TENM2: variants seen among roughly 807,000 people sequenced by gnomAD.
TENM2 encodes the protein teneurin-2.
Under a neutral mutation model 245.2 loss-of-function variants are expected in TENM2, and 52 were observed. The ratio of observed to expected loss-of-function variants is 0.21; its 90% confidence interval spans 0.17 to 0.27. The LOEUF is 0.27. Ranked by LOEUF, TENM2 falls within the 10% of genes least tolerant of loss-of-function variation. TENM2 has a pLI of 1.00. For missense variants in TENM2, 3,046 were observed against 3,666.8 expected, an observed-to-expected ratio of 0.83 and a Z score of 4.37; for synonymous variants, 1,363 against 1,438.9, an observed-to-expected ratio of 0.95 and a Z score of 1.19.
rs75245465 is a variant in TENM2, at chr5:167,757,967, G to A, written c.503-118019G>A. On this transcript the variant is annotated intron_variant, in intron 2 of 28. Coordinates refer to ENST00000518659, the Ensembl canonical transcript of TENM2. ...TTCAAGTATGCCTTGGTTACCCTGT[G>A]GCATGGACAAATGCCCTTCCACCTC... Among the ~76,000 whole-genome samples the A allele has an allele frequency of 7.6e-4, 115 of 152,252 alleles. 3 individuals carry two copies. The East Asian group carries it at 0.021, about 28-fold the overall frequency.
At chr5:167,058,773 AAAG>A in the TENM2 span, among the ~76,000 whole-genome samples, 1 of 152,204 alleles carries the variant, frequency 6.6e-6, no homozygotes, top group African/African-American at 2.4e-5. Context: ...CGGGGAAAAA[AAAG>A]AAGAAAGAAA....
chr5:167,607,042 C>A (rs1307188988), intron 2 of TENM2, among the ~76,000 whole-genome samples: 1 of 152,052 alleles, frequency 6.6e-6, no homozygotes, highest in African/African-American at 2.4e-5. Flanking sequence ...GAGGGCATAG[C>A]TTAAGGGTCA....
chr5:167,142,901 A>G, the TENM2 span, among the ~76,000 whole-genome samples: 1 of 152,138 alleles, frequency 6.6e-6, no homozygotes, highest in African/African-American at 2.4e-5. Context: ...TGCTAGTCCT[A>G]TAGAAGAGTG....
the TENM2 span, among the ~76,000 whole-genome samples, chr5:167,047,603 C>T: frequency 2.0e-5 from 3 of 152,148 alleles, no homozygotes; most frequent in African/African-American, 7.2e-5. Flanking sequence ...CTATTTGAGT[C>T]AGCTTCTTGG....
At chr5:168,204,749 G>T in intron 19 of TENM2, 128 bp downstream of exon 21, 4 of 1,231,624 alleles carry the variant, frequency 3.2e-6, no homozygotes, top group Non-Finnish European at 4.5e-6. Context: ...CAAAACCTAG[G>T]CCCAGAATCA....
chr5:167,077,587 A>G, the TENM2 span, among the ~76,000 whole-genome samples: 6 of 152,338 alleles, frequency 3.9e-5, no homozygotes, highest in African/African-American at 1.4e-4. Context: ...CGGATAAGCC[A>G]TGATTTAGTA....
chr5:167,188,234 A>G, the TENM2 span, among the ~76,000 whole-genome samples: 2 of 152,204 alleles, frequency 1.3e-5, no homozygotes, highest in Non-Finnish European at 2.9e-5. Context: ...CCCTGTGATT[A>G]AATGGGTATG....
At chr5:167,921,049 C>T (rs1224140527) in intron 3 of TENM2, among the ~76,000 whole-genome samples, 2 of 152,200 alleles carry the variant, frequency 1.3e-5, no homozygotes, top group Non-Finnish European at 2.9e-5. Context: ...AAATCTCAAG[C>T]ACCCAAAGAT....
At chr5:168,098,089 A>G (rs1793513058) in exon 9 of TENM2, 1 of 1,613,590 alleles carries the variant, frequency 6.2e-7, no homozygotes, top group Non-Finnish European at 8.5e-7. Context: ...GGGGTGTGTC[A>G]CTGTTTCCCA....
At chr5:167,202,206 G>A in the TENM2 span, among the ~76,000 whole-genome samples, 2 of 152,170 alleles carry the variant, frequency 1.3e-5, no homozygotes, top group Admixed American at 1.3e-4. Context: ...AGCACTTGGA[G>A]TCTTCTTAGA....
chr5:167,029,693 T>A, the TENM2 span, among the ~76,000 whole-genome samples: 2 of 152,200 alleles, frequency 1.3e-5, no homozygotes, highest in Non-Finnish European at 1.5e-5. Context: ...TAATAATTGC[T>A]GACGTTTGTC....
chr5:167,548,972 G>A (rs574774103), intron 2 of TENM2, among the ~76,000 whole-genome samples: 2 of 152,276 alleles, frequency 1.3e-5, no homozygotes, highest in South Asian at 4.1e-4. Context: ...TGAACTACAA[G>A]AATAGATTCT....
chr5:168,061,300 C>G (rs999909337), intron 6 of TENM2, among the ~76,000 whole-genome samples: 4 of 152,128 alleles, frequency 2.6e-5, no homozygotes, highest in African/African-American at 9.7e-5. Context: ...TAGTCACGCT[C>G]AGCTTTTCCT....
chr5:167,312,907 CTT>C (rs762116351), intron 1 of TENM2, among the ~76,000 whole-genome samples: 4 of 94,690 alleles, frequency 4.2e-5, no homozygotes, highest in African/African-American at 3.1e-5. Context: ...GACCTTGACT[CTT>C]TTTTTTTTTT....
rs1777904192 is a variant in TENM2 at position 167,928,145 on chromosome 5, C to A, written c.713-24443C>A. On this transcript the variant is annotated intron_variant, in intron 3 of 28. Coordinates refer to ENST00000518659, the Ensembl canonical transcript of TENM2. ...TCTCTGGGGTATGGGGGCATAATAA[C>A]AATGGTAAGACAAATGTAAGAATTA... Among the ~76,000 whole-genome samples, 3 of 152,134 alleles carry A rather than the reference C, an allele frequency of 2.0e-5. No individual in the cohort carries two copies. The South Asian group carries it at 6.2e-4, about 32-fold the overall frequency.
At chr5:168,124,858 T>C in exon 11 of TENM2, 1 of 1,611,034 alleles carries the variant, frequency 6.2e-7, no homozygotes, top group Non-Finnish European at 8.5e-7. Context: ...AGTTGATTGC[T>C]TGGATCCCAC....
chr5:168,060,876 A>G (rs1241625720), intron 6 of TENM2, among the ~76,000 whole-genome samples: 2 of 152,164 alleles, frequency 1.3e-5, no homozygotes, highest in Non-Finnish European at 2.9e-5. Context: ...GCCAGTCTTT[A>G]GCAATTTTCT....
rs77066250 is a variant in TENM2 at position 168,087,970 on chromosome 5, G to T, written c.1516-2604G>T. On this transcript the variant is annotated intron_variant, in intron 7 of 28. Coordinates refer to ENST00000518659, the Ensembl canonical transcript of TENM2. Reference sequence around the variant, plus strand: ...CTTCTGTGCAGGGGGACTCTGAGGAGCCAGCCAAAATAGATGTCTTCTCTT... The same window carrying T: ...CTTCTGTGCAGGGGGACTCTGAGGATCCAGCCAAAATAGATGTCTTCTCTT... Among the ~76,000 whole-genome samples the T allele has an allele frequency of 8.6e-4, 131 of 152,222 alleles. 1 individual carries two copies. The highest frequency in any genetic ancestry group is 3.0e-3 in the African/African-American group (126 of 41,540).
the TENM2 span, among the ~76,000 whole-genome samples, chr5:166,986,617 C>T: frequency 1.3e-5 from 2 of 152,066 alleles, no homozygotes; most frequent in East Asian, 1.9e-4. Context: ...TATATATGAA[C>T]TTCAGGGGGA....
Sources: gnomAD v4.1 joint callset for allele counts (sites outside exome capture counted in the v4.1 genomes callset) on GRCh38, gnomAD v4.1.1 for gene constraint, MANE v1.5 for transcripts, NCBI Gene and HGNC (gene_info 2026-07-23, HGNC 2026-07-21) for gene names.